The following CTNNA3 variants were observed in gnomAD, a reference collection of about 807,000 sequenced individuals.
CTNNA3 encodes catenin alpha-3.
A neutral mutation model predicts 95.7 loss-of-function variants in CTNNA3; 76 were observed. That is an observed-to-expected ratio of 0.79 (90% confidence interval 0.66 to 0.96). The LOEUF (loss-of-function observed/expected upper bound fraction) is 0.96, where lower values mean the gene tolerates loss of function less well. Among genes scored for constraint, CTNNA3 ranks in the 40% least tolerant of loss-of-function variants. The pLI is 0.00. For synonymous variants in CTNNA3, 431 were observed against 374.4 expected (o/e 1.15, Z -1.74); for missense variants, 1,191 against 1,089.8 (o/e 1.09, Z -1.31).
intron 5 of CTNNA3, among the ~76,000 whole-genome samples, chr10:67,406,840 C>A (rs1939866916): frequency 6.6e-6 from 1 of 152,112 alleles, no homozygotes; most frequent in South Asian, 2.1e-4. Context: ...AATCCCTGGA[C>A]ACATACACCC....
chr10:67,391,434 C>T (rs200213470), intron 5 of CTNNA3, among the ~76,000 whole-genome samples: 38 of 152,130 alleles, frequency 2.5e-4, no homozygotes, highest in Non-Finnish European at 4.9e-4. Flanking sequence ...GAACATTCCA[C>T]GCTCATGGGT....
intron 5 of CTNNA3, among the ~76,000 whole-genome samples, chr10:67,487,650 T>C (rs1325798572): frequency 6.6e-6 from 1 of 152,050 alleles, no homozygotes; most frequent in African/African-American, 2.4e-5. Context: ...AAAGCTAGAG[T>C]TGTAACCTGT....
At chr10:67,640,562 A>C (rs1169148775) in intron 2 of CTNNA3, among the ~76,000 whole-genome samples, 1 of 152,228 alleles carries the variant, frequency 6.6e-6, no homozygotes, top group Non-Finnish European at 1.5e-5. Flanking sequence ...TCCTAAGCCA[A>C]AAGAACAAAG....
At chr10:67,415,944 A>G (rs1258729232) in intron 5 of CTNNA3, among the ~76,000 whole-genome samples, 3 of 152,220 alleles carry the variant, frequency 2.0e-5, no homozygotes, top group African/African-American at 7.2e-5. Flanking sequence ...GGCTAGCCAT[A>G]TGCAGAAGAC....
At chr10:66,994,895 C>T (rs716547) in intron 7 of CTNNA3, among the ~76,000 whole-genome samples, 35,551 of 151,960 alleles carry the variant, frequency 0.23, 5,278 homozygotes, top group East Asian at 0.39. Flanking sequence ...AACTAGGAAA[C>T]CCAAATGCAA....
At chr10:66,910,770 G>C (rs560618837) in intron 7 of CTNNA3, among the ~76,000 whole-genome samples, 2 of 152,280 alleles carry the variant, frequency 1.3e-5, no homozygotes, top group African/African-American at 2.4e-5. Flanking sequence ...CTCCAGTTTG[G>C]TTTCCGCTCT....
chr10:67,714,345 T>C (rs1253614419), intron 1 of CTNNA3, among the ~76,000 whole-genome samples: 2 of 152,248 alleles, frequency 1.3e-5, no homozygotes, highest in Non-Finnish European at 2.9e-5. Context: ...TGCATCACTG[T>C]GACCTGGATG....
At chr10:66,663,778 G>C (rs1444703607) in intron 9 of CTNNA3, among the ~76,000 whole-genome samples, 2 of 152,088 alleles carry the variant, frequency 1.3e-5, no homozygotes, top group Admixed American at 6.6e-5. Context: ...TGAATACCTA[G>C]AGCAAAATTA....
intron 13 of CTNNA3, among the ~76,000 whole-genome samples, chr10:66,188,388 C>A (rs1300565183): frequency 6.6e-6 from 1 of 152,024 alleles, no homozygotes; most frequent in Non-Finnish European, 1.5e-5. Flanking sequence ...CCCACCCTCA[C>A]CCCTGGTAAC....
chr10:66,877,839 T>A (rs184921310), intron 7 of CTNNA3, among the ~76,000 whole-genome samples: 2 of 152,266 alleles, frequency 1.3e-5, no homozygotes, highest in East Asian at 3.9e-4. Context: ...TACCCAGATC[T>A]AACCCAGAGA....
At chr10:67,672,491 A>T (rs910036569) in intron 1 of CTNNA3, among the ~76,000 whole-genome samples, 2 of 152,128 alleles carry the variant, frequency 1.3e-5, no homozygotes, top group African/African-American at 2.4e-5. Context: ...TTATGGTTTT[A>T]GGTCTAACAT....
At chr10:67,587,167 G>A (rs953230012) in intron 3 of CTNNA3, among the ~76,000 whole-genome samples, 1 of 150,730 alleles carries the variant, frequency 6.6e-6, no homozygotes, top group Middle Eastern at 3.2e-3. Context: ...TAGGACCAGA[G>A]GCATGCACCA....
chr10:67,298,062 C>T (rs1840118960), intron 5 of CTNNA3, among the ~76,000 whole-genome samples: 1 of 152,156 alleles, frequency 6.6e-6, no homozygotes, highest in South Asian at 2.1e-4. Context: ...TTTAAGTTGG[C>T]TTCATCTGAG....
At position 66,239,840 on chromosome 10, in the gene CTNNA3, A is replaced by G. The variant is rs190213990; in HGVS notation, c.1884+40630T>C. Among the ~76,000 whole-genome samples the G allele has an allele frequency of 3.3e-3, 498 of 152,098 alleles. 4 individuals carry two copies. Among genetic ancestry groups the G allele is most frequent in the African/African-American group, 0.012 (479 of 41,516 alleles). ...GCATTTTTCCTTGACACAAAATCCT[A>G]TACATTATCTTTGCCCAATGTGTTT... On this transcript the variant is annotated intron_variant, in intron 13 of 17. Transcript: ENST00000433211.
At chr10:66,228,120 T>G (rs1211266659) in intron 13 of CTNNA3, among the ~76,000 whole-genome samples, 1 of 152,098 alleles carries the variant, frequency 6.6e-6, no homozygotes, top group East Asian at 1.9e-4. Flanking sequence ...ACACTATCAT[T>G]ATATTGTTTT....
At chr10:67,180,975 C>A (rs546538103) in intron 6 of CTNNA3, among the ~76,000 whole-genome samples, 1 of 152,204 alleles carries the variant, frequency 6.6e-6, no homozygotes, top group East Asian at 1.9e-4. Flanking sequence ...CTGACAGCAC[C>A]ATGAGGAAGT....
intron 7 of CTNNA3, among the ~76,000 whole-genome samples, chr10:66,981,183 C>T (rs995735761): frequency 4.6e-5 from 7 of 152,164 alleles, no homozygotes; most frequent in African/African-American, 1.7e-4. Context: ...GGATTACAGG[C>T]GTGAGCCACC....
At chr10:66,810,631 T>C (rs1335367836) in intron 7 of CTNNA3, among the ~76,000 whole-genome samples, 1 of 108,386 alleles carries the variant, frequency 9.2e-6, no homozygotes, top group East Asian at 3.1e-4. Flanking sequence ...AGAAACTGAG[T>C]AAAATATTTT....
chr10:67,293,145 A>G (rs140404103), intron 5 of CTNNA3, among the ~76,000 whole-genome samples: 10 of 152,308 alleles, frequency 6.6e-5, no homozygotes, highest in African/African-American at 2.4e-4. Flanking sequence ...TCCTGAAAAT[A>G]AAGTTGCTAA....
Sources: allele counts gnomAD v4.1 joint callset (sites outside exome capture counted in the v4.1 genomes callset), GRCh38; gene constraint gnomAD v4.1.1; transcripts MANE v1.5; gene names NCBI Gene and HGNC (gene_info 2026-07-23, HGNC 2026-07-21).